Variants in ATF2 observed in about 807,000 individuals in gnomAD.
ATF2 encodes the protein activating transcription factor 2.
In ATF2, 24 loss-of-function variants were observed where a neutral mutation model predicts 60.6. That is an observed-to-expected ratio of 0.40 (90% confidence interval 0.29 to 0.56). ATF2 has a LOEUF of 0.56. ATF2 is among the 20% of genes least tolerant of loss of function. The pLI is 0.54. For synonymous variants in ATF2, 206 were observed against 215.4 expected (o/e 0.96, Z 0.38); for missense variants, 433 against 607.7 (o/e 0.71, Z 3.02).
Position 175,073,538 on chromosome 2 carries a change from T to G in ATF2, c.*1071A>C, listed in dbSNP as rs767209691. 1 of 152,008 alleles carries G rather than the reference T, an allele frequency of 6.6e-6. No individual in the cohort carries two copies. The highest frequency in any genetic ancestry group is 1.5e-5 in the Non-Finnish European group (1 of 67,960). 9.4% of individuals were successfully genotyped at this position (152,008 alleles called of 1,614,324 possible). Reference sequence around the variant, plus strand: ...GCACACTTCCCACATTATAATTACATTGTTCTAAAGATAGATACTGATTTT... The same window carrying G: ...GCACACTTCCCACATTATAATTACAGTGTTCTAAAGATAGATACTGATTTT... On this transcript the variant is annotated 3_prime_UTR_variant, in exon 14 of 14. Coordinates refer to ENST00000264110, the MANE Select transcript of ATF2 (RefSeq NM_001880.4).
chr2:175,116,098 T>C (rs1313510526), intron 7 of ATF2, among the ~76,000 whole-genome samples: 1 of 152,040 alleles, frequency 6.6e-6, no homozygotes, highest in Non-Finnish European at 1.5e-5. Context: ...CCAAGGAGTG[T>C]GAATTATTTT....
At chr2:175,115,305 T>C (rs1390779596) in intron 7 of ATF2, among the ~76,000 whole-genome samples, 3 of 152,156 alleles carry the variant, frequency 2.0e-5, no homozygotes, top group Non-Finnish European at 2.9e-5. Context: ...CTGATACAAT[T>C]AAGTAACAGA....
At chr2:175,161,279 G>C (rs757398274) in intron 1 of ATF2, among the ~76,000 whole-genome samples, 42 of 152,348 alleles carry the variant, frequency 2.8e-4, no homozygotes, top group Non-Finnish European at 5.6e-4. Flanking sequence ...CTACCAAGTA[G>C]ATGGTTGCTG....
intron 13 of ATF2, among the ~76,000 whole-genome samples, chr2:175,079,139 G>A (rs939369763): frequency 3.9e-5 from 6 of 152,056 alleles, no homozygotes; most frequent in Non-Finnish European, 8.8e-5. Context: ...TAAATCAATT[G>A]TCAAATGAAT....
At chr2:175,139,565 C>T (rs1384363689) in intron 2 of ATF2, among the ~76,000 whole-genome samples, 2 of 150,364 alleles carry the variant, frequency 1.3e-5, no homozygotes, top group East Asian at 2.0e-4. Flanking sequence ...CCCAGCTACT[C>T]GGGAGGCTGA....
chr2:175,142,712 A>AGTGT (rs1242081447), intron 2 of ATF2, among the ~76,000 whole-genome samples: 3 of 124,128 alleles, frequency 2.4e-5, no homozygotes, highest in South Asian at 2.7e-4. Context: ...AGAGAGAGAG[A>AGTGT]GAGAGAGAGT....
At chr2:175,137,387 C>T (rs1698213653) in intron 2 of ATF2, among the ~76,000 whole-genome samples, 1 of 152,134 alleles carries the variant, frequency 6.6e-6, no homozygotes, top group East Asian at 1.9e-4. Flanking sequence ...CCAAGGAAAT[C>T]TGTAATAGCC....
At position 175,078,167 on chromosome 2, in the gene ATF2, C is replaced by T. The variant is rs565836834; in HGVS notation, c.1291+2493G>A. On this transcript the variant is annotated intron_variant, in intron 13 of 13. Transcript: ENST00000264110. ...TTTATTTTTTGTAGAGATGGGGTCC[C>T]GCTATTTCACCCAGACTGGTCTTGA... Among the ~76,000 whole-genome samples the T allele has an allele frequency of 4.0e-4, 61 of 152,168 alleles. 1 individual carries two copies. Among genetic ancestry groups the T allele is most frequent in the African/African-American group, 1.3e-3 (55 of 41,534 alleles).
At chr2:175,096,639 G>T (rs1191688779) in intron 11 of ATF2, among the ~76,000 whole-genome samples, 2 of 152,278 alleles carry the variant, frequency 1.3e-5, no homozygotes, top group South Asian at 4.1e-4. Flanking sequence ...AATGGTTGTA[G>T]ATGGCAACAC....
intron 4 of ATF2, among the ~76,000 whole-genome samples, chr2:175,128,985 T>C (rs535032218): frequency 6.6e-6 from 1 of 152,300 alleles, no homozygotes; most frequent in South Asian, 2.1e-4. Context: ...AATCCCATCA[T>C]TATACTCCCA....
At chr2:175,167,970 C>A in intron 1 of ATF2, 80 bp downstream of exon 1, 1 of 332,534 alleles carries the variant, frequency 3.0e-6, no homozygotes, top group Non-Finnish European at 6.1e-6. Flanking sequence ...CTGTGCTGAG[C>A]GACGTCGCCA....
chr2:175,139,773 G>C (rs1698380977), intron 2 of ATF2, among the ~76,000 whole-genome samples: 1 of 151,938 alleles, frequency 6.6e-6, no homozygotes, highest in Admixed American at 6.6e-5. Flanking sequence ...AGACAGACCA[G>C]TAAATTTGGG....
intron 11 of ATF2, among the ~76,000 whole-genome samples, chr2:175,096,437 A>G (rs1694942611): frequency 6.6e-6 from 1 of 152,212 alleles, no homozygotes; most frequent in East Asian, 1.9e-4. Flanking sequence ...ATATGTGTGA[A>G]TATTTATCTA....
In ATF2 at chr2:175,129,040, T is replaced by C. The variant is rs546780398; in HGVS notation, c.102+1098A>G. ...TGAAAGCATGTGTCCATAAAAAGAC[T>C]TGTACACAAGTATTCACATCAGCTT... On this transcript the variant is annotated intron_variant, in intron 4 of 13. Transcript: ENST00000264110. 5.3e-5 allele frequency among the ~76,000 whole-genome samples: 8 copies of C among 152,244 alleles called. No individual in the cohort carries two copies. In the South Asian group the frequency reaches 1.2e-3, roughly 24 times the overall value.
rs190218110 is a variant in ATF2 at position 175,108,960 on chromosome 2, A to G, written c.828+2608T>C. 5.0e-3 allele frequency among the ~76,000 whole-genome samples: 756 copies of G among 152,176 alleles called. 3 individuals carry two copies. The highest frequency in any genetic ancestry group is 7.9e-3 in the Non-Finnish European group (539 of 67,998). ...GTGCAAGATGTGCTTTGTTAAACAG[A>G]TGCATGAAGGCAGCATGCTCGTTAA... On this transcript the variant is annotated intron_variant, in intron 10 of 13. Coordinates refer to ENST00000264110, the MANE Select transcript of ATF2 (RefSeq NM_001880.4).
At chr2:175,153,277 A>C (rs1478516331) in intron 1 of ATF2, among the ~76,000 whole-genome samples, 1 of 152,188 alleles carries the variant, frequency 6.6e-6, no homozygotes, top group Non-Finnish European at 1.5e-5. Context: ...TACCTGACTT[A>C]TTGTAGACGT....
intron 10 of ATF2, among the ~76,000 whole-genome samples, chr2:175,102,448 TAAG>T (rs1213927997): frequency 2.6e-5 from 4 of 152,148 alleles, no homozygotes; most frequent in Non-Finnish European, 2.9e-5. Flanking sequence ...TTAAGTACTC[TAAG>T]AAGTAAAGAT....
intron 1 of ATF2, among the ~76,000 whole-genome samples, chr2:175,160,295 G>A (rs1699937094): frequency 6.6e-6 from 1 of 152,090 alleles, no homozygotes; most frequent in Non-Finnish European, 1.5e-5. Flanking sequence ...TGAGGTGGGA[G>A]GATTGCTGAA....
chr2:175,163,742 G>A (rs1700164073), intron 1 of ATF2, among the ~76,000 whole-genome samples: 1 of 151,202 alleles, frequency 6.6e-6, no homozygotes. Flanking sequence ...GGCCAACATG[G>A]TGAAACCCCG....
Sources: allele counts gnomAD v4.1 joint callset (sites outside exome capture counted in the v4.1 genomes callset), GRCh38; gene constraint gnomAD v4.1.1; transcripts MANE v1.5; gene names NCBI Gene and HGNC (gene_info 2026-07-23, HGNC 2026-07-21).